Variants in PDE11A observed in about 807,000 individuals in gnomAD.
PDE11A encodes dual 3',5'-cyclic-AMP and -GMP phosphodiesterase 11A.
A neutral mutation model predicts 100.5 loss-of-function variants in PDE11A; 100 were observed. The observed-to-expected ratio is 1.00, with a 90% CI of 0.85 to 1.18. The LOEUF (loss-of-function observed/expected upper bound fraction) is 1.18. PDE11A is among the 50% of genes most tolerant of loss of function. The pLI, the probability that PDE11A is intolerant of heterozygous loss-of-function variation, is 0.00. For synonymous variants in PDE11A, 381 were observed against 420.8 expected, an observed-to-expected ratio of 0.91 and a Z score of 1.16; for missense variants, 1,141 against 1,152.6, an observed-to-expected ratio of 0.99 and a Z score of 0.15.
In PDE11A at chr2:177,740,456, T is replaced by C. The variant is rs146014386; in HGVS notation, c.1789-12284A>G. Among the ~76,000 whole-genome samples, 495 of 152,344 alleles carry C rather than the reference T, an allele frequency of 3.2e-3. 5 individuals are homozygous for C. The East Asian group carries it at 0.048, about 15-fold the overall frequency. On this transcript the variant is annotated intron_variant, in intron 10 of 19. Transcript: ENST00000286063. Reference sequence around the variant, plus strand: ...CATTGTGCTAAGTGCTTTATAGTATTCCATTTAATCCTGCAACAACCCCAT... The same window carrying C: ...CATTGTGCTAAGTGCTTTATAGTATCCCATTTAATCCTGCAACAACCCCAT...
At chr2:177,767,128 G>A (rs192053830) in intron 10 of PDE11A, among the ~76,000 whole-genome samples, 11 of 152,150 alleles carry the variant, frequency 7.2e-5, no homozygotes, top group Middle Eastern at 3.4e-3. Context: ...TCAGGAGTTC[G>A]GGACCAACCT....
intron 4 of PDE11A, among the ~76,000 whole-genome samples, chr2:177,887,459 GA>G (rs5836631): frequency 0.98 from 145,536 of 149,210 alleles, 71,029 homozygotes; most frequent in Non-Finnish European, 1. Context: ...CGTTAAAAAA[GA>G]AAAAAAAAAA....
At chr2:177,855,709 G>T (rs1192643228) in intron 5 of PDE11A, among the ~76,000 whole-genome samples, 1 of 151,996 alleles carries the variant, frequency 6.6e-6, no homozygotes, top group African/African-American at 2.4e-5. Context: ...ATTGAGAACA[G>T]CCTTTACCCC....
intron 6 of PDE11A, among the ~76,000 whole-genome samples, chr2:177,834,436 G>T (rs537907038): frequency 6.6e-6 from 1 of 152,304 alleles, no homozygotes; most frequent in South Asian, 2.1e-4. Flanking sequence ...TTGGGGGAAT[G>T]TATTGGCACC....
intron 4 of PDE11A, among the ~76,000 whole-genome samples, chr2:177,883,859 G>C (rs997877167): frequency 6.6e-6 from 1 of 152,142 alleles, no homozygotes; most frequent in Non-Finnish European, 1.5e-5. Flanking sequence ...TGAGATCCTG[G>C]AGGTGATTTT....
chr2:178,072,877 C>T, upstream of PDE11A: 1 of 1,135,460 alleles, frequency 8.8e-7, no homozygotes, highest in Non-Finnish European at 1.1e-6. Flanking sequence ...GCCGCGGACG[C>T]CAGACCAGCC....
chr2:177,964,408 CA>C (rs1459575784), intron 2 of PDE11A, among the ~76,000 whole-genome samples: 2 of 151,910 alleles, frequency 1.3e-5, no homozygotes, highest in African/African-American at 2.4e-5. Flanking sequence ...ATTTTAGGTT[CA>C]GGGGGTACAT....
chr2:178,085,280 G>A (rs554129256), intron 2 of PDE11A, among the ~76,000 whole-genome samples: 1 of 152,278 alleles, frequency 6.6e-6, no homozygotes, highest in Non-Finnish European at 1.5e-5. Flanking sequence ...TGGAAAAATG[G>A]TGACCTATGT....
chr2:177,923,582 A>T (rs1245616049), intron 2 of PDE11A, among the ~76,000 whole-genome samples: 9 of 152,156 alleles, frequency 5.9e-5, no homozygotes, highest in Admixed American at 2.6e-4. Context: ...CCTCTAGTAG[A>T]CTTAGCCAGA....
chr2:177,656,913 G>T (rs928267040), intron 19 of PDE11A, among the ~76,000 whole-genome samples: 1 of 152,194 alleles, frequency 6.6e-6, no homozygotes, highest in Non-Finnish European at 1.5e-5. Context: ...AGTGGGCAGG[G>T]TGAAAGGAGA....
intron 9 of PDE11A, among the ~76,000 whole-genome samples, chr2:177,773,895 C>T (rs1464235446): frequency 6.6e-6 from 1 of 152,154 alleles, no homozygotes; most frequent in Non-Finnish European, 1.5e-5. Flanking sequence ...GTAGAAAAAC[C>T]AACAAGCCAG....
At chr2:177,771,396 T>C (rs1399121523) in intron 9 of PDE11A, among the ~76,000 whole-genome samples, 1 of 152,174 alleles carries the variant, frequency 6.6e-6, no homozygotes, top group African/African-American at 2.4e-5. Flanking sequence ...ATTTGTGTGA[T>C]ACAAGCAAAG....
At chr2:177,725,727 A>G (rs2081590666) in intron 12 of PDE11A, among the ~76,000 whole-genome samples, 1 of 152,116 alleles carries the variant, frequency 6.6e-6, no homozygotes, top group Admixed American at 6.6e-5. Context: ...TTGCCCATAT[A>G]ATGGAAATAC....
intron 2 of PDE11A, among the ~76,000 whole-genome samples, chr2:178,078,714 T>C (rs2087245766): frequency 2.6e-5 from 4 of 152,234 alleles, no homozygotes; most frequent in East Asian, 1.9e-4. Flanking sequence ...GTTTTCATTA[T>C]TGAAAATATT....
intron 2 of PDE11A, among the ~76,000 whole-genome samples, chr2:177,994,003 T>A (rs1469577590): frequency 6.6e-6 from 1 of 150,756 alleles, no homozygotes; most frequent in East Asian, 2.0e-4. Context: ...TGGAGCAATC[T>A]CGGCTCACTG....
chr2:177,948,177 A>C (rs1008908399), intron 2 of PDE11A, among the ~76,000 whole-genome samples: 4 of 152,108 alleles, frequency 2.6e-5, no homozygotes, highest in Non-Finnish European at 4.4e-5. Context: ...CTGAATTGGG[A>C]TATATAGTTT....
intron 10 of PDE11A, among the ~76,000 whole-genome samples, chr2:177,769,063 CTTT>C (rs113104150): frequency 6.6e-6 from 1 of 152,154 alleles, no homozygotes; most frequent in Admixed American, 6.5e-5. Flanking sequence ...ATATTATAGA[CTTT>C]TTTTTCCCTG....
intron 19 of PDE11A, among the ~76,000 whole-genome samples, chr2:177,660,097 T>TTCTTTCTTTCTTTCTTTC (rs1406827529): frequency 3.6e-4 from 25 of 69,332 alleles, no homozygotes; most frequent in East Asian, 2.7e-3. Context: ...CTTTCTTTCT[T>TTCTTTCTTTCTTTCTTTC]TCTCTCTCTC....
intron 10 of PDE11A, among the ~76,000 whole-genome samples, chr2:177,747,179 C>T (rs1316598115): frequency 6.6e-6 from 1 of 152,198 alleles, no homozygotes; most frequent in African/African-American, 2.4e-5. Context: ...GGGTAGGATT[C>T]TCACTAGTAG....
Sources: gnomAD v4.1 joint callset for allele counts (sites outside exome capture counted in the v4.1 genomes callset) on GRCh38, gnomAD v4.1.1 for gene constraint, MANE v1.5 for transcripts, NCBI Gene and HGNC (gene_info 2026-07-23, HGNC 2026-07-21) for gene names.